The following MARCHF10 variants were observed in gnomAD, a reference collection of about 807,000 sequenced individuals.
MARCHF10 encodes membrane associated ring-CH-type finger 10, also known as probable E3 ubiquitin-protein ligase MARCHF10.
MARCHF10 carries 64 observed loss-of-function variants against 76.2 expected under a neutral mutation model. The observed-to-expected ratio is 0.84, with a 90% confidence interval of 0.69 to 1.03. The LOEUF (loss-of-function observed/expected upper bound fraction) is 1.03, where lower values mean the gene tolerates loss of function less well. MARCHF10 is among the 50% of genes least tolerant of loss of function. The pLI is 0.00. For synonymous variants in MARCHF10, 340 were observed against 357.5 expected (o/e 0.95, Z 0.55); for missense variants, 875 against 958.0 (o/e 0.91, Z 1.14).
intron 4 of MARCHF10, among the ~76,000 whole-genome samples, chr17:62,753,743 C>T (rs2091963066): frequency 6.6e-6 from 1 of 152,226 alleles, no homozygotes; most frequent in Non-Finnish European, 1.5e-5. Context: ...GCCCTGCCCA[C>T]AAGCTCTTAG....
intron 3 of MARCHF10, among the ~76,000 whole-genome samples, chr17:62,780,638 T>C (rs950272118): frequency 8.5e-5 from 13 of 152,152 alleles, no homozygotes; most frequent in Admixed American, 8.5e-4. Context: ...AGGACTAGAA[T>C]CTTATTTTTA....
At chr17:62,759,283 G>C (rs965013227) in intron 4 of MARCHF10, among the ~76,000 whole-genome samples, 1 of 152,204 alleles carries the variant, frequency 6.6e-6, no homozygotes, top group Non-Finnish European at 1.5e-5. Flanking sequence ...AGCTCTAGGC[G>C]GAAGCCACAC....
At chr17:62,722,388 A>G in intron 8 of MARCHF10, 100 bp downstream of exon 8, 1 of 780,478 alleles carries the variant, frequency 1.3e-6, no homozygotes, top group South Asian at 1.8e-5. Context: ...CTGCCAGCAG[A>G]GACCTTCTAC....
chr17:62,760,844 G>C (rs750004277), intron 3 of MARCHF10, among the ~76,000 whole-genome samples: 1 of 152,184 alleles, frequency 6.6e-6, no homozygotes. Flanking sequence ...CTGGGGGGTC[G>C]TTGCGGTGGG....
chr17:62,794,229 C>A (rs1362046825), intron 2 of MARCHF10, among the ~76,000 whole-genome samples: 1 of 152,054 alleles, frequency 6.6e-6, no homozygotes, highest in Non-Finnish European at 1.5e-5. Flanking sequence ...TCCACCACCA[C>A]CACATCACCA....
rs112894135 is a variant in MARCHF10 at position 62,740,049 on chromosome 17, AGTGTGTGT to A, written c.536-2725_536-2718del. ...AAAAATTCAATCAGAGCTTCTCTGC[AGTGTGTGT>A]GTGTGTGTGTGTGTGTGTGTGTGTG... On this transcript the variant is annotated intron_variant, in intron 5 of 10. Coordinates refer to ENST00000311269, the MANE Select transcript of MARCHF10 (RefSeq NM_152598.4). Among the ~76,000 whole-genome samples, 862 of 145,518 alleles carry A rather than the reference AGTGTGTGT, an allele frequency of 5.9e-3. 8 individuals carry two copies. Among genetic ancestry groups the A allele is most frequent in the African/African-American group, 0.018 (717 of 39,780 alleles).
intron 8 of MARCHF10, chr17:62,714,494 G>T: frequency 1.2e-6 from 1 of 824,334 alleles, no homozygotes; most frequent in South Asian, 5.5e-5. Flanking sequence ...TAAGATCTGT[G>T]AGGGCAAGAC....
intron 4 of MARCHF10, among the ~76,000 whole-genome samples, chr17:62,744,821 A>C (rs2041280): frequency 1 from 152,041 of 152,042 alleles, 76,020 homozygotes; most frequent in Non-Finnish European, 1. Context: ...TGAGACCAGC[A>C]TGGCCAACAT....
At chr17:62,766,387 C>A (rs927584936) in intron 3 of MARCHF10, among the ~76,000 whole-genome samples, 1 of 151,962 alleles carries the variant, frequency 6.6e-6, no homozygotes, top group South Asian at 2.1e-4. Flanking sequence ...GTAATCCCAG[C>A]TACTCAGGAG....
intron 3 of MARCHF10, 72 bp from the exon 4 acceptor site, chr17:62,760,078 A>G: frequency 2.3e-6 from 3 of 1,288,730 alleles, no homozygotes; most frequent in Non-Finnish European, 3.3e-6. Flanking sequence ...GAAAACAGAA[A>G]TGAGGCAAAT....
rs1568136917 is a variant in MARCHF10, at chr17:62,737,222, C to G, written c.646G>C (p.Asp216His). The change falls in exon 6 of 11, where the codon GAT becomes CAT. Residue 216 changes from aspartate (D) to histidine (H), a missense_variant. Coordinates refer to ENST00000311269, the MANE Select transcript of MARCHF10 (RefSeq NM_152598.4). Reference protein sequence around the residue: ...SSQPMTENAPDRAKKGDPSAP... With the variant: ...SSQPMTENAPHRAKKGDPSAP... ...CTCGGGTCTCCTTTTTTGGCTCTAT[C>G]AGGGGCGTTCTCAGTCATTGGCTGT... 1.9e-6 allele frequency: 3 copies of G among 1,614,022 alleles called. No homozygotes were observed. The South Asian group carries it at 3.3e-5, about 18-fold the overall frequency.
At chr17:62,801,241 C>T (rs1394288164) in intron 2 of MARCHF10, among the ~76,000 whole-genome samples, 1 of 152,128 alleles carries the variant, frequency 6.6e-6, no homozygotes, top group Admixed American at 6.6e-5. Context: ...TTACTGCAAC[C>T]TCTGCCTCCC....
chr17:62,792,246 T>G (rs1047942230), intron 2 of MARCHF10, among the ~76,000 whole-genome samples: 13 of 151,940 alleles, frequency 8.6e-5, no homozygotes, highest in African/African-American at 3.1e-4. Context: ...GGGGATGACG[T>G]GGGTTTTGTG....
At chr17:62,756,298 T>C (rs925523388) in intron 4 of MARCHF10, among the ~76,000 whole-genome samples, 1 of 151,444 alleles carries the variant, frequency 6.6e-6, no homozygotes, top group East Asian at 2.0e-4. Flanking sequence ...AGTAAAAAAT[T>C]AGCCAGGCAT....
intron 3 of MARCHF10, among the ~76,000 whole-genome samples, chr17:62,771,693 C>A (rs1211751787): frequency 1.3e-5 from 2 of 151,678 alleles, no homozygotes; most frequent in Non-Finnish European, 2.9e-5. Flanking sequence ...TTTCATGCCT[C>A]AGCCTCCTGA....
At chr17:62,768,103 G>A (rs1218517828) in intron 3 of MARCHF10, among the ~76,000 whole-genome samples, 1 of 152,204 alleles carries the variant, frequency 6.6e-6, no homozygotes, top group Non-Finnish European at 1.5e-5. Flanking sequence ...GCTGCCTGCT[G>A]ACCTGCACAT....
intron 3 of MARCHF10, among the ~76,000 whole-genome samples, chr17:62,767,928 G>C (rs1328071869): frequency 6.6e-6 from 1 of 152,148 alleles, no homozygotes; most frequent in Non-Finnish European, 1.5e-5. Context: ...GTCTCACCCA[G>C]GGGAGTATGA....
At chr17:62,731,886 A>T (rs986631103) in intron 6 of MARCHF10, among the ~76,000 whole-genome samples, 10 of 152,358 alleles carry the variant, frequency 6.6e-5, no homozygotes, top group South Asian at 6.2e-4. Context: ...ATTAAAAAGC[A>T]TAGAGTTTGG....
At chr17:62,776,960 C>T (rs935090559) in intron 3 of MARCHF10, among the ~76,000 whole-genome samples, 7 of 152,138 alleles carry the variant, frequency 4.6e-5, no homozygotes, top group African/African-American at 1.7e-4. Flanking sequence ...ACCACTTGTT[C>T]CGGGGTTTCA....
Sources: allele counts gnomAD v4.1 joint callset (sites outside exome capture counted in the v4.1 genomes callset), GRCh38; gene constraint gnomAD v4.1.1; transcripts MANE v1.5; gene names NCBI Gene and HGNC (gene_info 2026-07-23, HGNC 2026-07-21).